Variants in ZBED4 observed in about 807,000 individuals in gnomAD.
The protein encoded by ZBED4 is zinc finger BED-type containing 4.
Under a neutral mutation model 15.5 loss-of-function variants are expected in ZBED4, and 4 were observed. The ratio of observed to expected loss-of-function variants is 0.26; its 90% CI spans 0.13 to 0.59. The LOEUF (loss-of-function observed/expected upper bound fraction) is 0.59. Ranked by LOEUF, ZBED4 falls within the 20% of genes least tolerant of loss-of-function variation. The pLI is 0.90. For synonymous variants in ZBED4, 692 were observed against 608.5 expected (o/e 1.14, Z -2.02); for missense variants, 1,323 against 1,461.8 (o/e 0.91, Z 1.55).
chr22:49,886,609 C>T lies in ZBED4; in HGVS notation c.2947C>T (p.Arg983Cys), dbSNP rs377181630. 4.5e-6 allele frequency: 7 copies of T among 1,572,490 alleles called. No homozygotes were observed. The highest frequency in any genetic ancestry group is 2.2e-5 in the East Asian group (1 of 44,576). The change falls in exon 2 of 2, where the codon CGC becomes TGC. Residue 983 changes from arginine (R) to cysteine (C), a missense_variant. Physicochemically the swap from Arg to Cys is radical, Grantham distance 180. Coordinates refer to ENST00000216268, the MANE Select transcript of ZBED4 (RefSeq NM_014838.3). The surrounding 1 kb of genome is among the most constrained non-coding windows in gnomAD (Gnocchi z 7.7). ...GACGATGGGCATCGACACCATGCTG[C>T]GCTCTCTGAAGGAGGCCATGGTGAG... ...EETMGIDTML[R>C]SLKEAMVSRL...
intron 1 of ZBED4, among the ~76,000 whole-genome samples, chr22:49,880,288 G>T (rs561981509): frequency 2.0e-5 from 3 of 152,206 alleles, no homozygotes; most frequent in Non-Finnish European, 4.4e-5. Context: ...AGCCCTGGCA[G>T]TTCTTTTCCC....
intron 1 of ZBED4, among the ~76,000 whole-genome samples, chr22:49,857,338 G>T (rs866770370): frequency 1.3e-5 from 2 of 152,238 alleles, no homozygotes; most frequent in East Asian, 1.9e-4. Context: ...GAGGGTGCTG[G>T]TGTTAAATAC....
chr22:49,865,219 C>T (rs11705677), intron 1 of ZBED4, among the ~76,000 whole-genome samples: 94,170 of 151,900 alleles, frequency 0.62, 33,127 homozygotes, highest in Non-Finnish European at 0.79. Context: ...TTTGTAACAC[C>T]GTGGCAAGTA....
intron 1 of ZBED4, among the ~76,000 whole-genome samples, chr22:49,856,494 A>C (rs1227645536): frequency 6.6e-6 from 1 of 152,228 alleles, no homozygotes; most frequent in Non-Finnish European, 1.5e-5. Context: ...ATTGTCCATG[A>C]GGTGCAGAGG....
Position 49,886,808 on chromosome 22 carries a change from G to T in ZBED4, c.3146G>T (p.Cys1049Phe). 2 of 1,613,430 alleles carry T rather than the reference G, an allele frequency of 1.2e-6. No homozygotes were observed. Among genetic ancestry groups the T allele is most frequent in the Non-Finnish European group, 1.7e-6 (2 of 1,179,794 alleles). Reference sequence around the variant, plus strand: ...GAGGACGTGGCTGCCTCCCACAGGTGTGATGCTGGCTCCCCGTCGAAAGAC... The same window carrying T: ...GAGGACGTGGCTGCCTCCCACAGGTTTGATGCTGGCTCCCCGTCGAAAGAC... Reference protein sequence around the residue: ...TSEDVAASHRCDAGSPSKDSA... With the variant: ...TSEDVAASHRFDAGSPSKDSA... The change falls in exon 2 of 2, where the codon TGT becomes TTT. Residue 1049 changes from cysteine to phenylalanine, a missense_variant. Around this residue, in one of 6 missense-constraint regions of ZBED4, gnomAD observed 312 missense variants for 410.7 expected, o/e 0.76. Transcript: ENST00000216268. The surrounding 1 kb of genome is among the most constrained non-coding windows in gnomAD (Gnocchi z 7.7).
intron 1 of ZBED4, among the ~76,000 whole-genome samples, 186 bp downstream of exon 1, chr22:49,854,175 G>C (rs1361427456): frequency 6.9e-6 from 1 of 145,876 alleles, no homozygotes; most frequent in Non-Finnish European, 1.5e-5. Context: ...ACCCGCCCCC[G>C]CGCGGACCCC....
At position 49,876,858 on chromosome 22, in the gene ZBED4, C is replaced by T. The variant is rs182427643; in HGVS notation, c.-329-6476C>T. On this transcript the variant is annotated intron_variant, in intron 1 of 1. Coordinates refer to ENST00000216268, the MANE Select transcript of ZBED4 (RefSeq NM_014838.3). ...TATAGGAATTCTCAGTTGCTGAAAACGTCAGATCCCAGAAGACACAGCGTT... is the reference window on the plus strand; with the variant it reads ...TATAGGAATTCTCAGTTGCTGAAAATGTCAGATCCCAGAAGACACAGCGTT... Among the ~76,000 whole-genome samples the T allele has an allele frequency of 6.4e-4, 97 of 152,300 alleles. 1 individual carries two copies. Among genetic ancestry groups the T allele is most frequent in the African/African-American group, 2.2e-3 (91 of 41,564 alleles).
Position 49,884,406 on chromosome 22 carries a change from A to G in ZBED4, c.744A>G (p.Glu248=). 6.2e-7 allele frequency: 1 copy of G among 1,613,394 alleles called. No individual in the cohort carries two copies. The highest frequency in any genetic ancestry group is 8.5e-7 in the Non-Finnish European group (1 of 1,179,636). ...CCGTTTCGGAGAAGTGCGGCAGAGA[A>G]GAAGCCCTGGTGGGGTCGTCTCCCC... ...DMSVSEKCGR[E]EALVGSSPHL... is the part of the protein sequence containing the mutation. Residue 248 remains glutamate (E), a synonymous_variant, in exon 2 of 2, where the codon GAA becomes GAG. Transcript: ENST00000216268.
In ZBED4 at chr22:49,884,806, G is replaced by C; in HGVS notation, c.1144G>C (p.Glu382Gln). 6.2e-7 allele frequency: 1 copy of C among 1,610,188 alleles called. No homozygotes were observed. Among genetic ancestry groups the C allele is most frequent in the Non-Finnish European group, 8.5e-7 (1 of 1,177,134 alleles). The change falls in exon 2 of 2, where the codon GAG (glutamate) becomes CAG (glutamine). Residue 382 changes from glutamate (E) to glutamine (Q), a missense_variant. Glu to Gln is a conservative substitution (Grantham distance 29). Around this residue, in one of 6 missense-constraint regions of ZBED4, gnomAD observed 429 missense variants for 397.9 expected, o/e 1.08. Coordinates refer to ENST00000216268, the MANE Select transcript of ZBED4 (RefSeq NM_014838.3). ...CTCGTCTCCAGTAAAGCCGGTCAGA[G>C]AGTCCCCTTCGGCCTCCTCCTCCCC... is the stretch of plus-strand genomic sequence containing the variant. ...VSSSPVKPVR[E>Q]SPSASSSPDR...
chr22:49,886,620 G>A lies in ZBED4; in HGVS notation c.2958G>A (p.Lys986=), dbSNP rs760942181. 10 of 1,578,946 alleles carry A rather than the reference G, an allele frequency of 6.3e-6. No individual in the cohort carries two copies. In the East Asian group the frequency reaches 1.8e-4, roughly 28 times the overall value. The change falls in exon 2 of 2, where the codon AAG becomes AAA. Residue 986 remains lysine (K), a synonymous_variant. Coordinates refer to ENST00000216268, the MANE Select transcript of ZBED4 (RefSeq NM_014838.3). The surrounding 1 kb of genome is among the most constrained non-coding windows in gnomAD (Gnocchi z 7.7). The part of the protein sequence containing the change: ...MGIDTMLRSL[K]EAMVSRLSAT... The stretch of plus-strand genomic sequence containing the variant: ...TCGACACCATGCTGCGCTCTCTGAA[G>A]GAGGCCATGGTGAGCCGCCTGTCTG...
At chr22:49,870,195 A>C (rs980898679) in intron 1 of ZBED4, among the ~76,000 whole-genome samples, 1 of 152,162 alleles carries the variant, frequency 6.6e-6, no homozygotes, top group Non-Finnish European at 1.5e-5. Context: ...CATGGTGTGG[A>C]TATACCACAT....
intron 1 of ZBED4, among the ~76,000 whole-genome samples, chr22:49,875,485 A>G (rs1276258862): frequency 6.7e-6 from 1 of 148,662 alleles, no homozygotes; most frequent in Non-Finnish European, 1.5e-5. Flanking sequence ...CAGTGGCGCC[A>G]TCTTGGCTCA....
At position 49,863,175 on chromosome 22, in the gene ZBED4, T is replaced by TTTGGTTGG. The variant is rs528529137; in HGVS notation, c.-330+9205_-330+9212dup. Among the ~76,000 whole-genome samples, 4 of 152,050 alleles carry TTTGGTTGG rather than the reference T, an allele frequency of 2.6e-5. No homozygotes were observed. In the South Asian group the frequency reaches 8.3e-4, roughly 32 times the overall value. On this transcript the variant is annotated intron_variant, in intron 1 of 1. Transcript: ENST00000216268. Reference sequence around the variant, plus strand: ...ATCCTTTGGTTTCTTGTAGATTGTGTTTGGTTGGTTGGTTGGTTGGTTGGT... The same window carrying TTTGGTTGG: ...ATCCTTTGGTTTCTTGTAGATTGTGTTTGGTTGGTTGGTTGGTTGGTTGGTTGGTTGGT...
rs151039124 is a variant in ZBED4 at position 49,867,112 on chromosome 22, G to A, written c.-330+13123G>A. 3.3e-5 allele frequency among the ~76,000 whole-genome samples: 5 copies of A among 152,216 alleles called. No homozygotes were observed. In the East Asian group the frequency reaches 9.6e-4, roughly 29 times the overall value. ...TTTGGTGGGTTGTATTTTTATTGTCGTTCAGTTGAAAACACTTTCCAGTTT... is the reference window on the plus strand; with the variant it reads ...TTTGGTGGGTTGTATTTTTATTGTCATTCAGTTGAAAACACTTTCCAGTTT... On this transcript the variant is annotated intron_variant, in intron 1 of 1. Transcript: ENST00000216268.
rs767132038 is a variant in ZBED4, at chr22:49,884,721, C to T, written c.1059C>T (p.Ser353=). The part of the protein sequence containing the change: ...NGGTGIPPLY[S]TPPTLLPSLL... ...GCACGGGCATCCCGCCACTGTACTC[C>T]ACCCCTCCCACTCTGCTGCCTTCCT... Residue 353 remains serine (S), a synonymous_variant, in exon 2 of 2, where the codon TCC becomes TCT. Coordinates refer to ENST00000216268, the MANE Select transcript of ZBED4 (RefSeq NM_014838.3). 27 of 1,594,674 alleles carry T rather than the reference C, an allele frequency of 1.7e-5. No homozygotes were observed. Among genetic ancestry groups the T allele is most frequent in the Non-Finnish European group, 2.2e-5 (26 of 1,169,154 alleles).
Position 49,888,518 on chromosome 22 carries a change from G to A in ZBED4, c.*1340G>A, listed in dbSNP as rs996181929. ...TATTCTTTGTGGTCCATTATCTAGA[G>A]CCCATACTTGGGCAGCATTTGAAAT... On this transcript the variant is annotated 3_prime_UTR_variant, in exon 2 of 2. Coordinates refer to ENST00000216268, the MANE Select transcript of ZBED4 (RefSeq NM_014838.3). 1 of 167,264 alleles carries A rather than the reference G, an allele frequency of 6.0e-6. No homozygotes were observed. The highest frequency in any genetic ancestry group is 1.5e-5 in the Non-Finnish European group (1 of 68,126). The allele number at this position is 167,264 out of a possible 1,614,324, so 10.4% of individuals were successfully genotyped here. A position where few individuals can be genotyped will look rare whatever the true frequency, so the allele number is the denominator to read the frequency against.
At chr22:49,858,890 C>G (rs563037014) in intron 1 of ZBED4, among the ~76,000 whole-genome samples, 1 of 152,324 alleles carries the variant, frequency 6.6e-6, no homozygotes, top group South Asian at 2.1e-4. Flanking sequence ...CCCCTGTGAT[C>G]TGGCGGTGGG....
chr22:49,879,209 G>C (rs2147535338), intron 1 of ZBED4, among the ~76,000 whole-genome samples: 1 of 149,246 alleles, frequency 6.7e-6, no homozygotes. Context: ...ACTGTAACTT[G>C]CGCCTCCCGG....
At position 49,885,921 on chromosome 22, in the gene ZBED4, C is replaced by T. The variant is rs369682264; in HGVS notation, c.2259C>T (p.Phe753=). 3.7e-5 allele frequency: 34 copies of T among 911,474 alleles called. No homozygotes were observed. Among genetic ancestry groups the T allele is most frequent in the African/African-American group, 4.9e-5 (3 of 60,674 alleles). The allele number at this position is 911,474 out of a possible 1,614,324, so 56.5% of individuals were successfully genotyped here. A position where few individuals can be genotyped will look rare whatever the true frequency, so the allele number is the denominator to read the frequency against. The change falls in exon 2 of 2, where the codon TTC becomes TTT. Residue 753 remains phenylalanine (F), a synonymous_variant. Transcript: ENST00000216268. The stretch of plus-strand genomic sequence containing the variant: ...CCCTCACGGCCCACTGGGTTTCCTT[C>T]GAGTCGCCAGCCCGGCCGCGCTGTG... The part of the protein sequence containing the change: ...YLTLTAHWVS[F]ESPARPRCDD...
Sources: gnomAD v4.1 joint callset for allele counts (sites outside exome capture counted in the v4.1 genomes callset) on GRCh38, gnomAD v4.1.1 for gene constraint, gnomAD v4.1.1 regional missense constraint, Gnocchi (gnomAD v3.1) non-coding constraint, MANE v1.5 for transcripts, NCBI Gene and HGNC (gene_info 2026-07-23, HGNC 2026-07-21) for gene names.